Variants in SYCE1 observed in about 807,000 individuals in gnomAD.
The protein encoded by SYCE1 is cancer/testis antigen 76.
Under a neutral mutation model 55.1 loss-of-function variants are expected in SYCE1, and 37 were observed. The ratio of observed to expected loss-of-function variants is 0.67; its 90% confidence interval spans 0.52 to 0.88. SYCE1 has a LOEUF of 0.88. Ranked by LOEUF, SYCE1 falls within the 40% of genes least tolerant of loss-of-function variation. The pLI is 0.00. For missense variants in SYCE1, 399 were observed against 416.4 expected, an observed-to-expected ratio of 0.96 and a Z score of 0.36; for synonymous variants, 163 against 159.4, an observed-to-expected ratio of 1.02 and a Z score of -0.17.
At chr10:133,565,169 A>T (rs1431002836) in intron 1 of SYCE1, among the ~76,000 whole-genome samples, 4 of 152,172 alleles carry the variant, frequency 2.6e-5, no homozygotes, top group Non-Finnish European at 5.9e-5. Context: ...TTGTTTTAAG[A>T]GGTGTGTATG....
chr10:133,559,880 T>C, intron 2 of SYCE1: 1 of 555,738 alleles, frequency 1.8e-6, no homozygotes, highest in South Asian at 2.2e-5. Context: ...TGGGACAGGG[T>C]TTTGGGAAAA....
chr10:133,555,169 T>C, intron 12 of SYCE1, 40 bp from the exon 13 acceptor site: 1 of 1,533,180 alleles, frequency 6.5e-7, no homozygotes, highest in Non-Finnish European at 8.8e-7. Context: ...TTTACACCCA[T>C]CCCCATGGCC....
At chr10:133,559,109 C>T (rs1851760445) in intron 3 of SYCE1, 158 bp from the exon 4 acceptor site, 1 of 938,444 alleles carries the variant, frequency 1.1e-6, no homozygotes, top group South Asian at 1.7e-5. Context: ...CTGCTGATAG[C>T]AGGGCCAGGA....
chr10:133,556,634 G>A lies in SYCE1; in HGVS notation c.528+125C>T, dbSNP rs183701129. 1.1e-4 allele frequency: 105 copies of A among 974,888 alleles called. No homozygotes were observed. In the East Asian group the frequency reaches 2.4e-3, roughly 22 times the overall value. The allele number at this position is 974,888 out of a possible 1,614,324, so 60.4% of individuals were successfully genotyped here. ...CAAGGGACTGGATTCAGGCAATGTC[G>A]ATCTTAGCACCACCAGGGCTTGCTT... On this transcript the variant is annotated intron_variant, in intron 8 of 12. Coordinates refer to ENST00000343131, the MANE Select transcript of SYCE1 (RefSeq NM_001143764.3).
chr10:133,567,395 T>C (rs573240898), upstream of SYCE1, among the ~76,000 whole-genome samples: 278 of 150,658 alleles, frequency 1.8e-3, 3 homozygotes, highest in African/African-American at 6.5e-3. Context: ...TTTGCGTTAG[T>C]GGTTAGGGTT....
At chr10:133,565,285 G>A (rs1194888536) in intron 1 of SYCE1, among the ~76,000 whole-genome samples, 172 bp downstream of exon 1, 4 of 152,210 alleles carry the variant, frequency 2.6e-5, no homozygotes, top group Non-Finnish European at 5.9e-5. Context: ...AGTGGGGGGT[G>A]TGCGGGCAAG....
At chr10:133,560,686 C>A (rs1007125585) in intron 1 of SYCE1, 6 of 152,160 alleles carry the variant, frequency 3.9e-5, no homozygotes, top group Admixed American at 1.3e-4. Context: ...ACTATTGGAA[C>A]CTATTTTTAA....
At chr10:133,555,955 G>A (rs1228312127) in intron 9 of SYCE1, 26 bp downstream of exon 9, 1 of 1,614,038 alleles carries the variant, frequency 6.2e-7, no homozygotes, top group Admixed American at 1.7e-5. Context: ...GGTCAGATAT[G>A]GGCCATCCAC....
chr10:133,557,538 G>T, intron 6 of SYCE1: 1 of 497,178 alleles, frequency 2.0e-6, no homozygotes, highest in South Asian at 2.6e-5. Flanking sequence ...AGAGAGAATG[G>T]ACAAATGGTT....
At chr10:133,553,939 A>G (rs2133610377), downstream of SYCE1, 1 of 187,334 alleles carries the variant, frequency 5.3e-6, no homozygotes, top group Non-Finnish European at 1.1e-5. Flanking sequence ...TTTTTTTCAC[A>G]TGAATAGGTG....
At chr10:133,555,166 C>T in intron 12 of SYCE1, 37 bp from the exon 13 acceptor site, 1 of 1,533,864 alleles carries the variant, frequency 6.5e-7, no homozygotes, top group Non-Finnish European at 8.8e-7. Flanking sequence ...GAATTTACAC[C>T]CATCCCCATG....
chr10:133,565,561 G>A lies in SYCE1; in HGVS notation c.-32C>T, dbSNP rs1589973310. On this transcript the variant is annotated 5_prime_UTR_variant, in exon 1 of 13. Coordinates refer to ENST00000343131, the MANE Select transcript of SYCE1 (RefSeq NM_001143764.3). ...TCAGCTCGCCAGCGAGGGTGCCTCG[G>A]GAGGGAGCCTCCAGTGGTGATTGGA... The A allele has an allele frequency of 2.6e-6, 4 of 1,545,758 alleles. No homozygotes were observed. Among genetic ancestry groups the A allele is most frequent in the Non-Finnish European group, 3.5e-6 (4 of 1,145,418 alleles).
intron 1 of SYCE1, chr10:133,560,937 C>A (rs1057455509): frequency 2.0e-5 from 3 of 152,166 alleles, no homozygotes; most frequent in African/African-American, 7.2e-5. Context: ...ATCGGAAACT[C>A]AAAAGAATAC....
upstream of SYCE1, among the ~76,000 whole-genome samples, chr10:133,566,530 GGGGTA>G (rs1178804575): frequency 1.3e-5 from 2 of 148,652 alleles, no homozygotes; most frequent in African/African-American, 4.9e-5. Context: ...GGGAAGGATT[GGGGTA>G]GGGTTAGGGT....
At chr10:133,560,349 TC>T in intron 1 of SYCE1, 196 bp from the exon 2 acceptor site, 1 of 489,594 alleles carries the variant, frequency 2.0e-6, no homozygotes, top group South Asian at 3.1e-5. Flanking sequence ...ATACCAGATA[TC>T]CTCTTTGTAA....
upstream of SYCE1, among the ~76,000 whole-genome samples, chr10:133,567,056 G>T (rs897864127): frequency 1.3e-5 from 2 of 151,722 alleles, no homozygotes; most frequent in Non-Finnish European, 2.9e-5. Context: ...GTTCGAGTTT[G>T]GGTTTGGGTG....
Position 133,559,368 on chromosome 10 carries a change from G to T in SYCE1, c.137-8C>A, listed in dbSNP as rs746986976. The T allele has an allele frequency of 6.2e-7, 1 of 1,613,998 alleles. No individual in the cohort carries two copies. Among genetic ancestry groups the T allele is most frequent in the South Asian group, 1.1e-5 (1 of 91,070 alleles). Reference sequence around the variant, plus strand: ...GGGGCTCTAGGCTTCCCACTGCACGGAGGAAAGGAGGTTGAGTTGACAGGG... The same window carrying T: ...GGGGCTCTAGGCTTCCCACTGCACGTAGGAAAGGAGGTTGAGTTGACAGGG... On this transcript the variant is annotated splice_polypyrimidine_tract_variant and splice_region_variant and intron_variant, in intron 2 of 12. Coordinates refer to ENST00000343131, the MANE Select transcript of SYCE1 (RefSeq NM_001143764.3).
At position 133,554,992 on chromosome 10, in the gene SYCE1, T is replaced by A. The variant is rs1456182093; in HGVS notation, c.1056A>T (p.Ter352CysextTer3). 1 of 1,473,856 alleles carries A rather than the reference T, an allele frequency of 6.8e-7. No individual in the cohort carries two copies. Among genetic ancestry groups the A allele is most frequent in the Non-Finnish European group, 9.1e-7 (1 of 1,097,388 alleles). 91.3% of individuals were successfully genotyped at this position (1,473,856 alleles called of 1,614,324 possible). The change falls in exon 13 of 13, where the codon TGA (stop) becomes TGT (cysteine). Residue 352 changes from the stop codon to cysteine (C), a stop_lost. Transcript: ENST00000343131. ...RGFQEIKELF[*>C] ...CTCCTCACCAGTAGACTTAGCTGTA[T>A]CAAAATAGCTCCTTTATTTCCTGAA...
intron 6 of SYCE1, chr10:133,557,496 G>C: frequency 2.1e-6 from 1 of 481,850 alleles, no homozygotes; most frequent in Non-Finnish European, 3.7e-6. Flanking sequence ...TGGACAAATC[G>C]ATGGGTGGAT....
Sources: gnomAD v4.1 joint callset for allele counts (sites outside exome capture counted in the v4.1 genomes callset) on GRCh38, gnomAD v4.1.1 for gene constraint, MANE v1.5 for transcripts, NCBI Gene and HGNC (gene_info 2026-07-23, HGNC 2026-07-21) for gene names.